Variants in RTTN observed in about 807,000 individuals in gnomAD.
RTTN encodes rotatin.
A neutral mutation model predicts 269.2 loss-of-function variants in RTTN; 182 were observed. That is an observed-to-expected ratio of 0.68 (90% CI 0.60 to 0.76). RTTN has a LOEUF of 0.76. Among genes scored for constraint, RTTN ranks in the 30% least tolerant of loss-of-function variants. The probability of loss-of-function intolerance (pLI) is 0.00; values close to 1 mark genes in which losing one functional copy is unlikely to be tolerated. For missense variants in RTTN, 2,545 were observed against 2,608.6 expected (o/e 0.98, Z 0.53); for synonymous variants, 1,006 against 963.5 (o/e 1.04, Z -0.82).
chr18:70,024,921 C>T, intron 43 of RTTN, 73 bp from the exon 44 acceptor site: 1 of 1,526,162 alleles, frequency 6.6e-7, no homozygotes. Context: ...AAAACAACAA[C>T]AGAAAGCCAT....
intron 28 of RTTN, among the ~76,000 whole-genome samples, chr18:70,102,639 G>A (rs546913856): frequency 4.6e-5 from 7 of 152,196 alleles, no homozygotes; most frequent in African/African-American, 7.2e-5. Context: ...TATTTTGCTC[G>A]TTAGTTGATA....
intron 40 of RTTN, among the ~76,000 whole-genome samples, chr18:70,040,686 G>A (rs1431243893): frequency 6.6e-6 from 1 of 152,142 alleles, no homozygotes; most frequent in African/African-American, 2.4e-5. Context: ...CTTCTCCTCA[G>A]CATATGGATC....
chr18:70,106,335 C>A (rs1429277974), intron 28 of RTTN, among the ~76,000 whole-genome samples: 1 of 152,030 alleles, frequency 6.6e-6, no homozygotes, highest in Non-Finnish European at 1.5e-5. Context: ...ACACGGTAAA[C>A]CCTGTCTCAA....
At chr18:70,006,060 T>C (rs2056175906) in intron 47 of RTTN, 1 of 208,280 alleles carries the variant, frequency 4.8e-6, no homozygotes, top group Non-Finnish European at 9.6e-6. Context: ...CTTTAAGATG[T>C]GTTTTCCCTT....
At chr18:70,061,590 A>C (rs1347110385) in intron 35 of RTTN, among the ~76,000 whole-genome samples, 1 of 152,164 alleles carries the variant, frequency 6.6e-6, no homozygotes, top group African/African-American at 2.4e-5. Context: ...TAATTCCAGA[A>C]TTTTGTGAGG....
At chr18:70,009,352 G>A (rs532641320) in intron 46 of RTTN, among the ~76,000 whole-genome samples, 1 of 152,208 alleles carries the variant, frequency 6.6e-6, no homozygotes, top group Admixed American at 6.5e-5. Context: ...GGGCCAGGCT[G>A]GTCTCAGACT....
intron 32 of RTTN, among the ~76,000 whole-genome samples, chr18:70,082,579 T>C (rs2058598261): frequency 6.6e-6 from 1 of 152,234 alleles, no homozygotes; most frequent in South Asian, 2.1e-4. Context: ...TAACTCCTAG[T>C]CAGACTGTGG....
intron 11 of RTTN, among the ~76,000 whole-genome samples, chr18:70,176,218 T>G (rs147030249): frequency 1.7e-4 from 21 of 123,494 alleles, no homozygotes; most frequent in Admixed American, 1.3e-3. Flanking sequence ...TGTATATGTA[T>G]ATGTATATGT....
chr18:70,100,026 C>A (rs1284718741), intron 28 of RTTN, among the ~76,000 whole-genome samples: 2 of 152,224 alleles, frequency 1.3e-5, no homozygotes, highest in Non-Finnish European at 2.9e-5. Flanking sequence ...ATGCCTCCAG[C>A]TTTGTTCTTT....
At chr18:70,029,151 G>A (rs537443325) in intron 42 of RTTN, among the ~76,000 whole-genome samples, 44 of 117,836 alleles carry the variant, frequency 3.7e-4, no homozygotes, top group African/African-American at 1.2e-3. Flanking sequence ...TTTGGCTAGG[G>A]AGGAAAAGAG....
At chr18:70,119,385 T>C (rs1251987095) in intron 26 of RTTN, among the ~76,000 whole-genome samples, 1 of 151,116 alleles carries the variant, frequency 6.6e-6, no homozygotes, top group African/African-American at 2.4e-5. Flanking sequence ...TCTACACTAA[T>C]GTCCAAGTTG....
intron 26 of RTTN, among the ~76,000 whole-genome samples, chr18:70,118,542 C>A (rs1488079889): frequency 6.6e-6 from 1 of 152,076 alleles, no homozygotes; most frequent in African/African-American, 2.4e-5. Context: ...TCTCTGTACT[C>A]CTAAAACCAA....
In RTTN at chr18:70,193,937, G is replaced by A. The variant is rs550090015; in HGVS notation, c.842-484C>T. On this transcript the variant is annotated intron_variant, in intron 7 of 48. Transcript: ENST00000640769. ...AACCAAGGAACAGACAGATAAGCTG[G>A]ACTTCATCAAAATCTAAAACTTTGG... Among the ~76,000 whole-genome samples, 384 of 152,294 alleles carry A rather than the reference G, an allele frequency of 2.5e-3. 4 individuals are homozygous for A. Among genetic ancestry groups the A allele is most frequent in the Middle Eastern group, 0.01 (3 of 294 alleles).
intron 34 of RTTN, 42 bp from the exon 35 acceptor site, chr18:70,065,964 C>A: frequency 1.3e-5 from 18 of 1,403,684 alleles, no homozygotes; most frequent in Non-Finnish European, 1.7e-5. Context: ...TGTTACAGTA[C>A]GGAAAATGAA....
chr18:70,045,806 T>C (rs1291077276), intron 40 of RTTN, among the ~76,000 whole-genome samples: 1 of 152,198 alleles, frequency 6.6e-6, no homozygotes, highest in Admixed American at 6.5e-5. Context: ...TTAGGAAACA[T>C]GGTTTAAATA....
intron 7 of RTTN, 94 bp downstream of exon 7, chr18:70,196,407 G>T (rs543868656): frequency 2.8e-6 from 3 of 1,082,438 alleles, no homozygotes; most frequent in Middle Eastern, 2.8e-4. Context: ...GTGAAAATGC[G>T]TACACAATAA....
At chr18:70,149,250 C>A (rs2060475708) in intron 16 of RTTN, among the ~76,000 whole-genome samples, 1 of 152,082 alleles carries the variant, frequency 6.6e-6, no homozygotes, top group African/African-American at 2.4e-5. Flanking sequence ...AGGAGAACTT[C>A]AGGAAAACAT....
intron 28 of RTTN, among the ~76,000 whole-genome samples, chr18:70,103,737 A>G (rs1357709330): frequency 5.3e-5 from 6 of 113,694 alleles, no homozygotes; most frequent in African/African-American, 2.1e-4. Flanking sequence ...TCCGAGAAAC[A>G]CCCAAGAATG....
chr18:70,149,492 A>C (rs1187743834), intron 16 of RTTN, among the ~76,000 whole-genome samples: 2 of 151,802 alleles, frequency 1.3e-5, no homozygotes, highest in Admixed American at 1.3e-4. Context: ...CTTTTCATCC[A>C]AAAGAGACAG....
Sources: allele counts gnomAD v4.1 joint callset (sites outside exome capture counted in the v4.1 genomes callset), GRCh38; gene constraint gnomAD v4.1.1; transcripts MANE v1.5; gene names NCBI Gene and HGNC (gene_info 2026-07-23, HGNC 2026-07-21).